The following SYTL3 variants were observed in gnomAD, a reference collection of about 807,000 sequenced individuals.
SYTL3 encodes synaptotagmin like 3.
A neutral mutation model predicts 82.1 loss-of-function variants in SYTL3; 88 were observed. The observed-to-expected ratio is 1.07, with a 90% CI of 0.90 to 1.28. The LOEUF is 1.28. Among genes scored for constraint, SYTL3 ranks in the 50% most tolerant of loss-of-function variants. SYTL3 has a pLI of 0.00. For missense variants in SYTL3, 831 were observed against 757.6 expected (o/e 1.10, Z -1.14); for synonymous variants, 311 against 289.4 (o/e 1.07, Z -0.76).
intron 5 of SYTL3, among the ~76,000 whole-genome samples, chr6:158,673,141 T>C (rs987804991): frequency 6.6e-6 from 1 of 152,190 alleles, no homozygotes; most frequent in Non-Finnish European, 1.5e-5. Flanking sequence ...TTATCCAGGC[T>C]GGTCTTGAAC....
intron 6 of SYTL3, among the ~76,000 whole-genome samples, chr6:158,704,871 A>G (rs1781826371): frequency 8.7e-6 from 1 of 115,398 alleles, no homozygotes; most frequent in African/African-American, 4.0e-5. Context: ...GCAGGGTGAC[A>G]GTGAGGGCTG....
Position 158,674,559 on chromosome 6 carries a change from G to C in SYTL3, c.330-8366G>C, listed in dbSNP as rs886066542. ...GGTTGAGCGGTTGCCCACAGAGAGC[G>C]TGTGCTCCTGCTTTCGGCCTTCTCA... On this transcript the variant is annotated intron_variant, in intron 5 of 17. Coordinates refer to ENST00000611299, the MANE Select transcript of SYTL3 (RefSeq NM_001242394.2). Among the ~76,000 whole-genome samples, 5 of 152,358 alleles carry C rather than the reference G, an allele frequency of 3.3e-5. No individual in the cohort carries two copies. In the East Asian group the frequency reaches 9.6e-4, roughly 29 times the overall value.
chr6:158,650,795 A>G (rs1256770584), intron 1 of SYTL3, among the ~76,000 whole-genome samples: 4 of 148,160 alleles, frequency 2.7e-5, no homozygotes, highest in African/African-American at 7.5e-5. Flanking sequence ...AAAAAAAAAT[A>G]CAAAAATTAG....
At position 158,745,626 on chromosome 6, in the gene SYTL3, C is replaced by G. The variant is rs748580368; in HGVS notation, c.1002C>G (p.Ala334=). The stretch of plus-strand genomic sequence containing the variant: ...GCATCAAGGCCTGTAAGAACCTTGC[C>G]TATGGAGAAGAAAAGAAGAAAAAGT... ...EICIKACKNL[A]YGEEKKKKCN... is the part of the protein sequence containing the mutation. The change falls in exon 12 of 18, where the codon GCC becomes GCG. Residue 334 remains alanine (A), a synonymous_variant. Transcript: ENST00000611299. 6.2e-7 allele frequency: 1 copy of G among 1,604,358 alleles called. No homozygotes were observed. The highest frequency in any genetic ancestry group is 8.5e-7 in the Non-Finnish European group (1 of 1,177,228).
intron 11 of SYTL3, among the ~76,000 whole-genome samples, chr6:158,739,923 T>C (rs1786708023): frequency 6.6e-6 from 1 of 152,094 alleles, no homozygotes; most frequent in South Asian, 2.1e-4. Flanking sequence ...TCCCTTCAGC[T>C]TAGTCTGATC....
chr6:158,745,010 G>GT (rs1469955099), intron 11 of SYTL3, among the ~76,000 whole-genome samples: 1 of 152,056 alleles, frequency 6.6e-6, no homozygotes, highest in Admixed American at 6.6e-5. Context: ...GATCAGTATG[G>GT]TTTTTTCCAG....
chr6:158,695,701 C>T (rs537429671), intron 6 of SYTL3, among the ~76,000 whole-genome samples: 1 of 152,324 alleles, frequency 6.6e-6, no homozygotes, highest in South Asian at 2.1e-4. Flanking sequence ...CCATCCTCCC[C>T]TTCCCCCACT....
chr6:158,700,909 C>T (rs917797101), intron 6 of SYTL3, among the ~76,000 whole-genome samples: 8 of 152,212 alleles, frequency 5.3e-5, no homozygotes, highest in Non-Finnish European at 7.3e-5. Context: ...AGCCACCGCA[C>T]CTGGCCTGTT....
At chr6:158,657,197 G>A (rs139366254) in intron 2 of SYTL3, among the ~76,000 whole-genome samples, 7 of 152,060 alleles carry the variant, frequency 4.6e-5, no homozygotes, top group African/African-American at 1.7e-4. Context: ...AGGCCGAGGC[G>A]GACAGATCAA....
intron 11 of SYTL3, among the ~76,000 whole-genome samples, chr6:158,730,471 T>A (rs181547262): frequency 6.6e-6 from 1 of 152,200 alleles, no homozygotes; most frequent in Non-Finnish European, 1.5e-5. Context: ...ATTTTACTTA[T>A]AACAAAATGG....
At chr6:158,757,502 G>A (rs1425798747) in intron 14 of SYTL3, 121 bp downstream of exon 14, 6 of 1,091,092 alleles carry the variant, frequency 5.5e-6, no homozygotes, top group Admixed American at 2.5e-5. Context: ...CTGTGTGTTC[G>A]CCGGCCTGGC....
At chr6:158,702,738 G>A (rs1781463804) in intron 6 of SYTL3, among the ~76,000 whole-genome samples, 1 of 142,078 alleles carries the variant, frequency 7.0e-6, no homozygotes, top group Non-Finnish European at 1.5e-5. Flanking sequence ...AGTTATATTT[G>A]TACACTTTTT....
chr6:158,754,091 G>A (rs1230950633), intron 13 of SYTL3, among the ~76,000 whole-genome samples: 1 of 152,126 alleles, frequency 6.6e-6, no homozygotes, highest in Non-Finnish European at 1.5e-5. Context: ...GCGACCTGAG[G>A]TGAGCCATCA....
At chr6:158,726,744 C>G (rs1480703440) in intron 11 of SYTL3, 1 of 223,572 alleles carries the variant, frequency 4.5e-6, no homozygotes, top group Non-Finnish European at 9.0e-6. Context: ...GACACAAGGC[C>G]TGGGATCTTT....
chr6:158,753,932 A>T (rs901365), intron 13 of SYTL3, among the ~76,000 whole-genome samples: 86,522 of 151,330 alleles, frequency 0.57, 25,936 homozygotes, highest in African/African-American at 0.7. Flanking sequence ...ATGCAAAATA[A>T]CCCAACACCG....
chr6:158,759,479 A>T (rs1016581405), intron 14 of SYTL3, among the ~76,000 whole-genome samples: 3 of 152,168 alleles, frequency 2.0e-5, no homozygotes, highest in African/African-American at 7.2e-5. Flanking sequence ...GGTGGACCGG[A>T]TGTGTCAAGA....
intron 11 of SYTL3, among the ~76,000 whole-genome samples, chr6:158,731,687 G>A (rs376837283): frequency 2.0e-5 from 3 of 152,122 alleles, no homozygotes; most frequent in South Asian, 2.1e-4. Context: ...TCTGCCTCCC[G>A]GGTTCACGCC....
upstream of SYTL3, among the ~76,000 whole-genome samples, chr6:158,645,169 G>A (rs937207548): frequency 2.6e-5 from 4 of 152,158 alleles, no homozygotes; most frequent in Non-Finnish European, 5.9e-5. Flanking sequence ...AGTTCCCTTG[G>A]GGACTGGGAT....
chr6:158,764,104 A>C (rs935587052), intron 17 of SYTL3, among the ~76,000 whole-genome samples: 2 of 152,266 alleles, frequency 1.3e-5, no homozygotes, highest in African/African-American at 4.8e-5. Context: ...TTTTGTCCAA[A>C]GCATACTGTC....
Sources: gnomAD v4.1 joint callset for allele counts (sites outside exome capture counted in the v4.1 genomes callset) on GRCh38, gnomAD v4.1.1 for gene constraint, MANE v1.5 for transcripts, NCBI Gene and HGNC (gene_info 2026-07-23, HGNC 2026-07-21) for gene names.